The following MICU2 variants were observed in gnomAD, a reference collection of about 807,000 sequenced individuals.
MICU2 encodes the protein calcium uptake protein 2, mitochondrial.
A neutral mutation model predicts 60.4 loss-of-function variants in MICU2; 64 were observed. The ratio of observed to expected loss-of-function variants is 1.06; its 90% CI spans 0.87 to 1.31. The LOEUF (loss-of-function observed/expected upper bound fraction) is 1.31, where lower values mean the gene tolerates loss of function less well. MICU2 is among the 50% of genes most tolerant of loss of function. The pLI, the probability that MICU2 is intolerant of heterozygous loss-of-function variation, is 0.00. For missense variants in MICU2, 569 were observed against 531.0 expected, an observed-to-expected ratio of 1.07 and a Z score of -0.70; for synonymous variants, 201 against 175.0, an observed-to-expected ratio of 1.15 and a Z score of -1.17.
At chr13:21,542,321 A>C (rs1165668003) in intron 2 of MICU2, among the ~76,000 whole-genome samples, 1 of 152,256 alleles carries the variant, frequency 6.6e-6, no homozygotes, top group East Asian at 1.9e-4. Context: ...AGGCAAGAGC[A>C]TATTAAATAC....
intron 1 of MICU2, among the ~76,000 whole-genome samples, chr13:21,598,491 G>T (rs1035977650): frequency 6.6e-6 from 1 of 152,094 alleles, no homozygotes; most frequent in Admixed American, 6.6e-5. Context: ...TGAGGCGGAC[G>T]GATCACCTGA....
chr13:21,495,123 A>T (rs1348143893), intron 11 of MICU2, 38 bp downstream of exon 11: 3 of 1,530,074 alleles, frequency 2.0e-6, no homozygotes, highest in South Asian at 2.6e-5. Context: ...TCAGTTAATG[A>T]CAATGTAAAC....
intron 1 of MICU2, among the ~76,000 whole-genome samples, chr13:21,582,576 T>C (rs1888370311): frequency 6.6e-6 from 1 of 152,218 alleles, no homozygotes; most frequent in Non-Finnish European, 1.5e-5. Flanking sequence ...TACGTTCAAT[T>C]ATTTGCTTTC....
At chr13:21,526,803 G>C (rs193163549) in intron 4 of MICU2, among the ~76,000 whole-genome samples, 227 of 103,838 alleles carry the variant, frequency 2.2e-3, no homozygotes, top group African/African-American at 8.8e-3. Context: ...TGTGGAAGCA[G>C]CAATGGGAAA....
chr13:21,520,380 C>A (rs1467414321), intron 6 of MICU2, among the ~76,000 whole-genome samples: 1 of 152,122 alleles, frequency 6.6e-6, no homozygotes, highest in African/African-American at 2.4e-5. Context: ...TGTTTTCTAA[C>A]ATTTGTGTAC....
chr13:21,581,633 T>A lies in MICU2; in HGVS notation c.211-14689A>T, dbSNP rs1034174567. 3.3e-5 allele frequency among the ~76,000 whole-genome samples: 5 copies of A among 152,290 alleles called. No homozygotes were observed. In the South Asian group the frequency reaches 6.2e-4, roughly 19 times the overall value. Reference sequence around the variant, plus strand: ...TAATTAGTAAAATAAAATGTCTCAATTTTAAGTAGTGCACGTTAGAATAAT... The same window carrying A: ...TAATTAGTAAAATAAAATGTCTCAAATTTAAGTAGTGCACGTTAGAATAAT... On this transcript the variant is annotated intron_variant, in intron 1 of 11. Transcript: ENST00000382374.
intron 1 of MICU2, among the ~76,000 whole-genome samples, chr13:21,586,066 T>C (rs1888450236): frequency 6.6e-6 from 1 of 152,184 alleles, no homozygotes; most frequent in Admixed American, 6.5e-5. Context: ...AAGAAAGCCA[T>C]TAGAAGTTTG....
rs533332419 is a variant in MICU2, at chr13:21,555,234, C to A, written c.358+11563G>T. ...CACAACAAAAAAAGAGAATTTTAGA[C>A]CAATATCCTTGATGAACACTGATGC... On this transcript the variant is annotated intron_variant, in intron 2 of 11. Coordinates refer to ENST00000382374, the MANE Select transcript of MICU2 (RefSeq NM_152726.3). Among the ~76,000 whole-genome samples, 155 of 152,312 alleles carry A rather than the reference C, an allele frequency of 1.0e-3. 1 individual carries two copies. The highest frequency in any genetic ancestry group is 5.0e-3 in the South Asian group (24 of 4,828).
intron 1 of MICU2, among the ~76,000 whole-genome samples, chr13:21,579,390 G>T (rs975352143): frequency 6.7e-6 from 1 of 149,904 alleles, no homozygotes; most frequent in Non-Finnish European, 1.5e-5. Context: ...GCCCAGATTG[G>T]AGTGCAATGA....
At position 21,539,640 on chromosome 13, in the gene MICU2, C is replaced by A. The variant is rs201089587; in HGVS notation, c.390+17G>T. On this transcript the variant is annotated intron_variant, in intron 3 of 11. Coordinates refer to ENST00000382374, the MANE Select transcript of MICU2 (RefSeq NM_152726.3). Reference sequence around the variant, plus strand: ...CTTACCAAAAACAAACCCTGCCCCCCACAACATGATGCTTACCTTTTTTGT... The same window carrying A: ...CTTACCAAAAACAAACCCTGCCCCCAACAACATGATGCTTACCTTTTTTGT... 1.1e-5 allele frequency: 17 copies of A among 1,614,096 alleles called. No homozygotes were observed. In the South Asian group the frequency reaches 1.2e-4, roughly 11 times the overall value.
At chr13:21,507,472 T>C (rs1340006413) in intron 8 of MICU2, among the ~76,000 whole-genome samples, 1 of 152,160 alleles carries the variant, frequency 6.6e-6, no homozygotes. Flanking sequence ...GAGACTGATA[T>C]TTTAAATATA....
intron 2 of MICU2, among the ~76,000 whole-genome samples, chr13:21,552,919 T>A (rs1887609409): frequency 6.6e-6 from 1 of 152,196 alleles, no homozygotes; most frequent in African/African-American, 2.4e-5. Context: ...GCGGGCTCTT[T>A]TTTGGTTCCA....
chr13:21,561,711 C>CT (rs1171543592), intron 2 of MICU2, among the ~76,000 whole-genome samples: 53 of 133,366 alleles, frequency 4.0e-4, no homozygotes, highest in South Asian at 3.8e-3. Context: ...TTTTTAGTCT[C>CT]TTTTTTTTTA....
chr13:21,508,946 T>A (rs985073303), intron 8 of MICU2, among the ~76,000 whole-genome samples: 3 of 152,200 alleles, frequency 2.0e-5, no homozygotes, highest in African/African-American at 7.2e-5. Context: ...TATTTAAATG[T>A]TTTTCTGCAT....
chr13:21,603,877 C>T, intron 1 of MICU2, 62 bp downstream of exon 1: 1 of 1,576,100 alleles, frequency 6.3e-7, no homozygotes, highest in Non-Finnish European at 8.7e-7. Flanking sequence ...CCACTCCCCG[C>T]CTAAGGGCGT....
At chr13:21,497,694 C>A (rs908906085) in intron 9 of MICU2, among the ~76,000 whole-genome samples, 1 of 152,182 alleles carries the variant, frequency 6.6e-6, no homozygotes, top group Admixed American at 6.5e-5. Context: ...GGCAACAGAG[C>A]AAGACCCTGT....
chr13:21,589,924 C>T (rs1011895181), intron 1 of MICU2, among the ~76,000 whole-genome samples: 14 of 152,306 alleles, frequency 9.2e-5, no homozygotes, highest in African/African-American at 3.4e-4. Flanking sequence ...CAAGTGTGCG[C>T]TCACCATTGT....
At chr13:21,512,251 T>C (rs571709086) in intron 7 of MICU2, among the ~76,000 whole-genome samples, 1 of 152,156 alleles carries the variant, frequency 6.6e-6, no homozygotes, top group Non-Finnish European at 1.5e-5. Flanking sequence ...CCTATTTTCT[T>C]TGGAGAAATA....
intron 6 of MICU2, among the ~76,000 whole-genome samples, chr13:21,519,504 C>T (rs961902470): frequency 3.3e-5 from 5 of 152,208 alleles, no homozygotes; most frequent in East Asian, 1.9e-4. Context: ...CAGGTTCATT[C>T]GTTGGCTTCT....
Sources: gnomAD v4.1 joint callset for allele counts (sites outside exome capture counted in the v4.1 genomes callset) on GRCh38, gnomAD v4.1.1 for gene constraint, MANE v1.5 for transcripts, NCBI Gene and HGNC (gene_info 2026-07-23, HGNC 2026-07-21) for gene names.